HSD17B2: variants seen among roughly 807,000 people sequenced by gnomAD.
HSD17B2 encodes 17-beta-hydroxysteroid dehydrogenase type 2.
Under a neutral mutation model 26.9 loss-of-function variants are expected in HSD17B2, and 32 were observed. The observed-to-expected ratio is 1.19, with a 90% CI of 0.90 to 1.60. The LOEUF (loss-of-function observed/expected upper bound fraction) is 1.60. HSD17B2 is among the 40% of genes most tolerant of loss of function. The pLI, the probability that HSD17B2 is intolerant of heterozygous loss-of-function variation, is 0.00. For synonymous variants in HSD17B2, 246 were observed against 186.7 expected, an observed-to-expected ratio of 1.32 and a Z score of -2.59; for missense variants, 613 against 468.6, an observed-to-expected ratio of 1.31 and a Z score of -2.85.
intron 4 of HSD17B2, chr16:82,095,658 A>C (rs1904818475): frequency 6.6e-6 from 1 of 152,226 alleles, no homozygotes; most frequent in Non-Finnish European, 1.5e-5. Context: ...AAATGCTGAA[A>C]CCTATAGGAA....
At position 82,098,134 on chromosome 16, in the gene HSD17B2, C is replaced by T. The variant is rs1221867706; in HGVS notation, c.862C>T (p.Pro288Ser). ...GGAGAAGGACATTCTGGACCACCTC[C>T]CCGCTGAGGTACAGGAAGACTACGG... ...KLEKDILDHL[P>S]AEVQEDYGQD... is the part of the protein sequence containing the mutation. Residue 288 changes from proline to serine, a missense_variant, in exon 5 of 5, where the codon CCC (proline) becomes TCC (serine). Transcript: ENST00000199936. 1 of 1,613,942 alleles carries T rather than the reference C, an allele frequency of 6.2e-7. No individual in the cohort carries two copies. Among genetic ancestry groups the T allele is most frequent in the South Asian group, 1.1e-5 (1 of 91,066 alleles).
At chr16:82,097,978 T>C in intron 4 of HSD17B2, 97 bp from the exon 5 acceptor site, 1 of 1,173,530 alleles carries the variant, frequency 8.5e-7, no homozygotes, top group Non-Finnish European at 1.2e-6. Flanking sequence ...ATAAACGTCA[T>C]TTGCAAAGGG....
chr16:82,094,099 C>T (rs959448696), intron 4 of HSD17B2: 2 of 152,198 alleles, frequency 1.3e-5, no homozygotes, highest in Non-Finnish European at 2.9e-5. Context: ...CCTGTTTTAT[C>T]AGCAGAGTTA....
chr16:82,068,167 C>T lies in HSD17B2; in HGVS notation c.266-3C>T, dbSNP rs761572682. On this transcript the variant is annotated splice_region_variant and splice_polypyrimidine_tract_variant and intron_variant, in intron 1 of 4. Transcript: ENST00000199936. ...CACTCCCTACTCCCCTGACCCTATG[C>T]AGGTGGTGATTGCGGGCTTGGCCAT... 4.3e-6 allele frequency: 7 copies of T among 1,613,736 alleles called. No individual in the cohort carries two copies. In the African/African-American group the frequency reaches 5.3e-5, roughly 12 times the overall value.
chr16:82,093,019 G>T (rs981326292), intron 4 of HSD17B2: 2 of 152,166 alleles, frequency 1.3e-5, no homozygotes, highest in Non-Finnish European at 2.9e-5. Context: ...AATAGTTCTG[G>T]AGAGCTGTTC....
intron 1 of HSD17B2, among the ~76,000 whole-genome samples, chr16:82,067,397 T>G (rs1914597147): frequency 6.6e-6 from 1 of 152,228 alleles, no homozygotes; most frequent in Admixed American, 6.5e-5. Context: ...GACATCAACG[T>G]TTTGCACTTG....
chr16:82,064,964 A>T (rs1914536860), intron 1 of HSD17B2, among the ~76,000 whole-genome samples: 1 of 152,210 alleles, frequency 6.6e-6, no homozygotes, highest in Non-Finnish European at 1.5e-5. Flanking sequence ...TGGATCTTGC[A>T]GCCACAATTC....
chr16:82,058,554 A>G (rs1340175742), intron 1 of HSD17B2, among the ~76,000 whole-genome samples: 1 of 152,164 alleles, frequency 6.6e-6, no homozygotes, highest in Non-Finnish European at 1.5e-5. Context: ...AAGGCTCTCA[A>G]ACTTTTTGGA....
chr16:82,060,811 C>T (rs537684014), intron 1 of HSD17B2, among the ~76,000 whole-genome samples: 6 of 152,200 alleles, frequency 3.9e-5, no homozygotes, highest in South Asian at 2.1e-4. Flanking sequence ...GGGGCAAGGA[C>T]GCATAAAGCA....
chr16:82,067,490 T>G (rs1030227850), intron 1 of HSD17B2, among the ~76,000 whole-genome samples: 1 of 152,246 alleles, frequency 6.6e-6, no homozygotes, highest in Non-Finnish European at 1.5e-5. Flanking sequence ...CTGAGAAGCT[T>G]AAGTCATACT....
intron 3 of HSD17B2, among the ~76,000 whole-genome samples, chr16:82,088,232 C>T (rs946596646): frequency 6.6e-6 from 1 of 152,250 alleles, no homozygotes; most frequent in African/African-American, 2.4e-5. Flanking sequence ...GCACTTATTA[C>T]TCTAAGAAAC....
intron 3 of HSD17B2, among the ~76,000 whole-genome samples, chr16:82,077,525 T>C (rs570546149): frequency 2.6e-5 from 4 of 152,182 alleles, no homozygotes; most frequent in Admixed American, 1.3e-4. Context: ...GTCCAGGAGT[T>C]CAAAACCAGC....
At position 82,098,073 on chromosome 16, in the gene HSD17B2, A is replaced by G. The variant is rs899721779; in HGVS notation, c.803-2A>G. ...TGACTCTTCCCTTTCCTTTCACCCC[A>G]GATATCGCAGGCACCAGTGACAAGT... On this transcript the variant is annotated splice_acceptor_variant, in intron 4 of 4. Coordinates refer to ENST00000199936, the MANE Select transcript of HSD17B2 (RefSeq NM_002153.3). LOFTEE classifies it high-confidence loss of function. The G allele has an allele frequency of 1.2e-5, 20 of 1,606,996 alleles. No homozygotes were observed. The highest frequency in any genetic ancestry group is 1.6e-5 in the Non-Finnish European group (19 of 1,175,852).
intron 1 of HSD17B2, among the ~76,000 whole-genome samples, chr16:82,054,494 G>A (rs547525940): frequency 3.4e-4 from 51 of 152,238 alleles, no homozygotes; most frequent in Non-Finnish European, 4.7e-4. Context: ...ACAGGTGTGT[G>A]CCACCAGAGC....
intron 3 of HSD17B2, among the ~76,000 whole-genome samples, chr16:82,082,414 A>T (rs1904408500): frequency 6.6e-6 from 1 of 152,210 alleles, no homozygotes; most frequent in African/African-American, 2.4e-5. Context: ...TTGAATATGC[A>T]TATGAATATA....
chr16:82,087,296 T>C (rs1364970203), intron 3 of HSD17B2, among the ~76,000 whole-genome samples: 1 of 152,210 alleles, frequency 6.6e-6, no homozygotes, highest in African/African-American at 2.4e-5. Flanking sequence ...TAAGTGTTTT[T>C]ACCTTGAGAA....
intron 1 of HSD17B2, among the ~76,000 whole-genome samples, chr16:82,036,004 T>C (rs1386967709): frequency 1.3e-5 from 2 of 152,130 alleles, no homozygotes; most frequent in Non-Finnish European, 2.9e-5. Context: ...GAATGTCCCA[T>C]AGATTGTTTT....
intron 1 of HSD17B2, among the ~76,000 whole-genome samples, chr16:82,047,954 T>C (rs1192759607): frequency 6.6e-6 from 1 of 152,208 alleles, no homozygotes; most frequent in Non-Finnish European, 1.5e-5. Flanking sequence ...AGAGAAACCA[T>C]AGGTCTTGCG....
intron 1 of HSD17B2, among the ~76,000 whole-genome samples, chr16:82,039,832 G>C: frequency 6.6e-6 from 1 of 152,104 alleles, no homozygotes; most frequent in East Asian, 1.9e-4. Context: ...GACCACTGGG[G>C]AAGACACGGC....
Sources: allele counts gnomAD v4.1 joint callset (sites outside exome capture counted in the v4.1 genomes callset), GRCh38; gene constraint gnomAD v4.1.1; transcripts MANE v1.5; gene names NCBI Gene and HGNC (gene_info 2026-07-23, HGNC 2026-07-21).